GDAP2: variants seen among roughly 807,000 people sequenced by gnomAD.
The protein encoded by GDAP2 is ganglioside induced differentiation associated protein 2.
In GDAP2, 51 loss-of-function variants were observed where a neutral mutation model predicts 67.0. The observed-to-expected ratio is 0.76, with a 90% confidence interval of 0.61 to 0.96. GDAP2 has a LOEUF of 0.96. GDAP2 is among the 40% of genes least tolerant of loss of function. GDAP2 has a pLI of 0.00. For missense variants in GDAP2, 547 were observed against 588.3 expected, an observed-to-expected ratio of 0.93 and a Z score of 0.73; for synonymous variants, 203 against 207.3, an observed-to-expected ratio of 0.98 and a Z score of 0.18.
chr1:117,906,728 C>T (rs1337545661), intron 5 of GDAP2, 146 bp from the exon 6 acceptor site: 2 of 554,406 alleles, frequency 3.6e-6, no homozygotes, highest in Non-Finnish European at 6.3e-6. Context: ...ATCAGTGAAG[C>T]CTGCCCATAC....
chr1:117,914,291 C>A (rs533201274), intron 3 of GDAP2, among the ~76,000 whole-genome samples: 1 of 152,064 alleles, frequency 6.6e-6, no homozygotes, highest in Admixed American at 6.6e-5. Flanking sequence ...ACAAACTATT[C>A]AGAGAACAGG....
chr1:117,882,323 T>C (rs988261515), intron 11 of GDAP2, among the ~76,000 whole-genome samples: 2 of 152,062 alleles, frequency 1.3e-5, no homozygotes, highest in African/African-American at 4.8e-5. Flanking sequence ...ATAACAGAAT[T>C]TGCTGTGCCC....
intron 7 of GDAP2, among the ~76,000 whole-genome samples, chr1:117,897,602 TACAA>T (rs1649309532): frequency 6.6e-6 from 1 of 152,252 alleles, no homozygotes; most frequent in South Asian, 2.1e-4. Flanking sequence ...AATCTGTCCA[TACAA>T]ACACTGTGAG....
At chr1:117,920,824 T>C (rs909787537) in intron 1 of GDAP2, among the ~76,000 whole-genome samples, 9 of 151,706 alleles carry the variant, frequency 5.9e-5, no homozygotes, top group Non-Finnish European at 1.2e-4. Context: ...ATGTGGAGGA[T>C]GTACTGAGTA....
At chr1:117,890,975 A>G (rs1281344946) in intron 8 of GDAP2, among the ~76,000 whole-genome samples, 1 of 151,828 alleles carries the variant, frequency 6.6e-6, no homozygotes, top group Non-Finnish European at 1.5e-5. Context: ...CCAACATAAC[A>G]ATTAAAACAA....
chr1:117,906,461 A>C (rs1162471793), intron 6 of GDAP2, 45 bp downstream of exon 6: 1 of 1,021,144 alleles, frequency 9.8e-7, no homozygotes, highest in South Asian at 1.4e-5. Context: ...TCAAATGCTT[A>C]AAGATAGAAA....
chr1:117,902,408 C>T (rs775528800), intron 6 of GDAP2, among the ~76,000 whole-genome samples: 14 of 152,322 alleles, frequency 9.2e-5, no homozygotes, highest in Admixed American at 2.0e-4. Context: ...TATACCCACA[C>T]TTTCTTCTAA....
chr1:117,919,370 CAAAA>C (rs533363950), intron 2 of GDAP2, among the ~76,000 whole-genome samples: 1 of 94,398 alleles, frequency 1.1e-5, no homozygotes. Context: ...CAAGACTCCT[CAAAA>C]AAAAAAAAAA....
At chr1:117,902,821 T>A (rs1344263593) in intron 6 of GDAP2, among the ~76,000 whole-genome samples, 1 of 152,200 alleles carries the variant, frequency 6.6e-6, no homozygotes, top group African/African-American at 2.4e-5. Flanking sequence ...TTGATAGGAA[T>A]TAAGTCTGTA....
In GDAP2 at chr1:117,886,336, C is replaced by T. The variant is rs566158755; in HGVS notation, c.1107+241G>A. ...TAGTTACATCATATCCAAAACAAAGCAGTTGTGGTTTTGGAGATCACATTA... is the reference window on the plus strand; with the variant it reads ...TAGTTACATCATATCCAAAACAAAGTAGTTGTGGTTTTGGAGATCACATTA... On this transcript the variant is annotated intron_variant, in intron 10 of 13. Transcript: ENST00000369443. Among the ~76,000 whole-genome samples, 5 of 152,202 alleles carry T rather than the reference C, an allele frequency of 3.3e-5. No homozygotes were observed. In the South Asian group the frequency reaches 1.0e-3, roughly 32 times the overall value.
Position 117,928,850 on chromosome 1 carries a change from A to G in GDAP2, c.-68+598T>C, listed in dbSNP as rs115917382. ...AACACTTCTATGCAGCTCAAGAATA[A>G]AAGTAGCAGAAATGCAAGAGAGAAA... On this transcript the variant is annotated intron_variant, in intron 1 of 13. Transcript: ENST00000369443. 6.9e-3 allele frequency among the ~76,000 whole-genome samples: 1,044 copies of G among 152,364 alleles called. 8 individuals are homozygous for G. Among genetic ancestry groups the G allele is most frequent in the African/African-American group, 0.024 (999 of 41,578 alleles).
intron 13 of GDAP2, among the ~76,000 whole-genome samples, chr1:117,876,267 C>T (rs919637340): frequency 1.1e-4 from 16 of 151,938 alleles, no homozygotes; most frequent in African/African-American, 3.6e-4. Context: ...GAGCCTGGCA[C>T]CTCCCTTCCC....
At position 117,868,494 on chromosome 1, in the gene GDAP2, T is replaced by C. The variant is rs139229461; in HGVS notation, c.*2075A>G. 79 of 152,328 alleles carry C rather than the reference T, an allele frequency of 5.2e-4. No individual in the cohort carries two copies. The highest frequency in any genetic ancestry group is 1.8e-3 in the African/African-American group (75 of 41,580). The allele number at this position is 152,328 out of a possible 1,614,324, so 9.4% of individuals were successfully genotyped here. A position where few individuals can be genotyped will look rare whatever the true frequency, so the allele number is the denominator to read the frequency against. On this transcript the variant is annotated 3_prime_UTR_variant, in exon 14 of 14. Transcript: ENST00000369443. ...GCAAAGGAACATCCTTTCAAAATCA[T>C]TGCCTGTAAGAAATTGTATATATAA...
intron 12 of GDAP2, among the ~76,000 whole-genome samples, chr1:117,880,252 G>A (rs934742293): frequency 1.3e-5 from 2 of 152,124 alleles, no homozygotes; most frequent in African/African-American, 2.4e-5. Context: ...CTAGAAGTAG[G>A]AGAGAAACCA....
rs373169433 is a variant in GDAP2, at chr1:117,912,132, A to C, written c.471-50T>G. 10 of 989,110 alleles carry C rather than the reference A, an allele frequency of 1.0e-5. No homozygotes were observed. The African/African-American group carries it at 1.4e-4, about 14-fold the overall frequency. The allele number at this position is 989,110 out of a possible 1,614,324, so 61.3% of individuals were successfully genotyped here. ...ATTGCACTAGAAATATCAGTAATAC[A>C]TACACAACAATATATAAGTAATTTC... On this transcript the variant is annotated intron_variant, in intron 4 of 13. Coordinates refer to ENST00000369443, the MANE Select transcript of GDAP2 (RefSeq NM_017686.4).
At chr1:117,872,461 C>T (rs1213937287) in intron 13 of GDAP2, among the ~76,000 whole-genome samples, 1 of 152,042 alleles carries the variant, frequency 6.6e-6, no homozygotes, top group Non-Finnish European at 1.5e-5. Context: ...CAATGATAGA[C>T]TAGATAAAGA....
intron 3 of GDAP2, among the ~76,000 whole-genome samples, chr1:117,913,071 T>C (rs1323560173): frequency 1.3e-5 from 2 of 152,218 alleles, no homozygotes; most frequent in African/African-American, 4.8e-5. Flanking sequence ...ACAGACTGCT[T>C]TGATTCAAAT....
In GDAP2 at chr1:117,899,199, C is replaced by T; in HGVS notation, c.654G>A (p.Leu218=). 1 of 1,611,610 alleles carries T rather than the reference C, an allele frequency of 6.2e-7. No homozygotes were observed. Among genetic ancestry groups the T allele is most frequent in the East Asian group, 2.2e-5 (1 of 44,866 alleles). ...SDLEEGTYQK[L]LPLYFPRSLK... ...ATGACCTTGGGAAGTAGAGAGGTAG[C>T]AGCTTTTGGTAAGTACCCTGTGTCA... The change falls in exon 7 of 14, where the codon CTG becomes CTA. Residue 218 remains leucine, a synonymous_variant. Coordinates refer to ENST00000369443, the MANE Select transcript of GDAP2 (RefSeq NM_017686.4).
At chr1:117,910,930 C>A (rs1649833483) in intron 5 of GDAP2, among the ~76,000 whole-genome samples, 2 of 152,258 alleles carry the variant, frequency 1.3e-5, no homozygotes, top group South Asian at 2.1e-4. Flanking sequence ...TGTATTTATG[C>A]ACATTTTTCT....
Sources: gnomAD v4.1 joint callset for allele counts (sites outside exome capture counted in the v4.1 genomes callset) on GRCh38, gnomAD v4.1.1 for gene constraint, MANE v1.5 for transcripts, NCBI Gene and HGNC (gene_info 2026-07-23, HGNC 2026-07-21) for gene names.